The following IQGAP2 variants were observed in gnomAD, a reference collection of about 807,000 sequenced individuals.
The protein encoded by IQGAP2 is ras GTPase-activating-like protein IQGAP2.
IQGAP2 carries 173 observed loss-of-function variants against 201.3 expected under a neutral mutation model. The ratio of observed to expected loss-of-function variants is 0.86; its 90% CI spans 0.76 to 0.98. The LOEUF (loss-of-function observed/expected upper bound fraction) is 0.98. Among genes scored for constraint, IQGAP2 ranks in the 50% least tolerant of loss-of-function variants. The pLI is 0.00. For synonymous variants in IQGAP2, 675 were observed against 673.9 expected (o/e 1.00, Z -0.03); for missense variants, 1,687 against 1,864.8 (o/e 0.90, Z 1.76).
At chr5:76,578,393 A>G (rs1384591544) in intron 5 of IQGAP2, among the ~76,000 whole-genome samples, 23 of 151,708 alleles carry the variant, frequency 1.5e-4, no homozygotes, top group Admixed American at 1.4e-3. Context: ...GCTCACTGCA[A>G]CCTCCACCTT....
intron 2 of IQGAP2, among the ~76,000 whole-genome samples, chr5:76,507,834 A>T (rs191513256): frequency 1.2e-4 from 18 of 151,532 alleles, no homozygotes; most frequent in African/African-American, 4.4e-4. Context: ...ACATGGTGAA[A>T]CCCATCTCTA....
At chr5:76,611,227 G>A (rs200479285) in intron 13 of IQGAP2, 44 bp downstream of exon 13, 7 of 1,491,976 alleles carry the variant, frequency 4.7e-6, no homozygotes, top group Non-Finnish European at 6.4e-6. Context: ...TACAGGCTGG[G>A]TGGCAGAGGG....
At chr5:76,604,793 C>T (rs961362788) in intron 11 of IQGAP2, among the ~76,000 whole-genome samples, 3 of 152,124 alleles carry the variant, frequency 2.0e-5, no homozygotes, top group African/African-American at 4.8e-5. Context: ...CTGCACTTGG[C>T]GAGGCCTCAT....
chr5:76,697,069 A>G (rs2150548540), intron 32 of IQGAP2, among the ~76,000 whole-genome samples: 1 of 152,324 alleles, frequency 6.6e-6, no homozygotes, highest in South Asian at 2.1e-4. Flanking sequence ...AATTAGAATT[A>G]TGAAAAAAAC....
In IQGAP2 at chr5:76,403,353, G is replaced by C. The variant is rs1018412632; in HGVS notation, c.-193G>C. On this transcript the variant is annotated 5_prime_UTR_variant, in exon 1 of 36. Transcript: ENST00000274364. The surrounding 1 kb of genome is among the most constrained non-coding windows in gnomAD (Gnocchi z 4.8). Reference sequence around the variant, plus strand: ...GAGGAGAGTTCACTTTTACTTCAGTGTCAGCGCGCGGCGGCCGTGGCTGGC... The same window carrying C: ...GAGGAGAGTTCACTTTTACTTCAGTCTCAGCGCGCGGCGGCCGTGGCTGGC... The C allele has an allele frequency of 4.9e-6, 2 of 411,052 alleles. No individual in the cohort carries two copies. Among genetic ancestry groups the C allele is most frequent in the Admixed American group, 9.1e-5 (2 of 21,900 alleles). The allele number at this position is 411,052 out of a possible 1,614,324, so 25.5% of individuals were successfully genotyped here.
At chr5:76,476,565 G>C (rs1397776519) in intron 2 of IQGAP2, among the ~76,000 whole-genome samples, 1 of 152,160 alleles carries the variant, frequency 6.6e-6, no homozygotes, top group Non-Finnish European at 1.5e-5. Context: ...GAGTTCAGAG[G>C]CTCATTGGAA....
intron 11 of IQGAP2, among the ~76,000 whole-genome samples, chr5:76,601,778 G>C (rs1343401596): frequency 6.6e-6 from 1 of 152,194 alleles, no homozygotes; most frequent in Non-Finnish European, 1.5e-5. Flanking sequence ...GGAAAAACCA[G>C]AGATTTCTTA....
intron 30 of IQGAP2, among the ~76,000 whole-genome samples, chr5:76,684,518 A>G (rs911301729): frequency 1.3e-5 from 2 of 152,214 alleles, no homozygotes; most frequent in African/African-American, 4.8e-5. Flanking sequence ...CACACAGAGT[A>G]AGAAAGAGAA....
chr5:76,674,187 T>C, intron 26 of IQGAP2, 151 bp downstream of exon 26: 1 of 619,986 alleles, frequency 1.6e-6, no homozygotes, highest in South Asian at 2.0e-5. Flanking sequence ...GATAATTGAT[T>C]AAGCTGAGGT....
chr5:76,584,027 C>T (rs1413966210), intron 5 of IQGAP2, among the ~76,000 whole-genome samples: 1 of 151,972 alleles, frequency 6.6e-6, no homozygotes, highest in Non-Finnish European at 1.5e-5. Context: ...CGTGTGCCAC[C>T]GTGCCCAGAT....
At chr5:76,455,522 G>T (rs1754029546) in intron 1 of IQGAP2, among the ~76,000 whole-genome samples, 1 of 150,650 alleles carries the variant, frequency 6.6e-6, no homozygotes. Context: ...TTGTAAGTAT[G>T]AAAATAGTGT....
At chr5:76,672,226 T>C (rs548828648) in intron 24 of IQGAP2, among the ~76,000 whole-genome samples, 1 of 152,356 alleles carries the variant, frequency 6.6e-6, no homozygotes, top group African/African-American at 2.4e-5. Flanking sequence ...GTTTATTTTC[T>C]TTGTGTATTT....
At chr5:76,493,511 C>A (rs1561413546) in intron 2 of IQGAP2, among the ~76,000 whole-genome samples, 1 of 152,190 alleles carries the variant, frequency 6.6e-6, no homozygotes, top group Non-Finnish European at 1.5e-5. Flanking sequence ...CCCTCTGACC[C>A]TGTCCTACCT....
At chr5:76,431,818 A>G (rs1236155130) in intron 1 of IQGAP2, among the ~76,000 whole-genome samples, 1 of 42,630 alleles carries the variant, frequency 2.3e-5, no homozygotes, top group Non-Finnish European at 4.5e-5. Context: ...ACTCTGTATC[A>G]AAAAAAAAAA....
intron 17 of IQGAP2, among the ~76,000 whole-genome samples, chr5:76,650,670 C>T (rs399058): frequency 0.5 from 75,452 of 151,720 alleles, 19,181 homozygotes; most frequent in Non-Finnish European, 0.56. Flanking sequence ...ATGTGCACAA[C>T]GTGCAGGTTT....
chr5:76,449,563 G>C (rs1333568343), intron 1 of IQGAP2, among the ~76,000 whole-genome samples: 1 of 152,156 alleles, frequency 6.6e-6, no homozygotes, highest in African/African-American at 2.4e-5. Flanking sequence ...TTCTGTTGTT[G>C]TATTTATTGG....
At chr5:76,429,582 T>TATA (rs1554054988) in intron 1 of IQGAP2, among the ~76,000 whole-genome samples, 1 of 120,714 alleles carries the variant, frequency 8.3e-6, no homozygotes, top group African/African-American at 2.8e-5. Context: ...AAAAAAAAAT[T>TATA]TATATATATA....
chr5:76,618,438 C>A (rs776459252), intron 13 of IQGAP2: 1 of 1,614,070 alleles, frequency 6.2e-7, no homozygotes, highest in African/African-American at 1.3e-5. Context: ...ACTTAAGGAG[C>A]TGGTCAGGTA....
intron 2 of IQGAP2, among the ~76,000 whole-genome samples, chr5:76,525,971 T>C (rs1758950489): frequency 1.3e-5 from 2 of 152,230 alleles, no homozygotes; most frequent in Admixed American, 6.5e-5. Context: ...ACATTCATAA[T>C]TGAAGGAAAA....
Sources: allele counts gnomAD v4.1 joint callset (sites outside exome capture counted in the v4.1 genomes callset), GRCh38; gene constraint gnomAD v4.1.1; non-coding constraint Gnocchi (gnomAD v3.1); transcripts MANE v1.5; gene names NCBI Gene and HGNC (gene_info 2026-07-23, HGNC 2026-07-21).